AGBL4: variants seen among roughly 807,000 people sequenced by gnomAD.
AGBL4 encodes the protein AGBL carboxypeptidase 4.
Under a neutral mutation model 66.4 loss-of-function variants are expected in AGBL4, and 58 were observed. That is an observed-to-expected ratio of 0.87 (90% confidence interval 0.71 to 1.09). The LOEUF (loss-of-function observed/expected upper bound fraction) is 1.09, where lower values mean the gene tolerates loss of function less well. Among genes scored for constraint, AGBL4 ranks in the 50% least tolerant of loss-of-function variants. AGBL4 has a pLI of 0.00. For missense variants in AGBL4, 579 were observed against 631.0 expected (o/e 0.92, Z 0.88); for synonymous variants, 234 against 222.9 (o/e 1.05, Z -0.44).
At chr1:49,956,779 G>A (rs1004210155) in intron 1 of AGBL4, among the ~76,000 whole-genome samples, 1 of 151,876 alleles carries the variant, frequency 6.6e-6, no homozygotes, top group Admixed American at 6.6e-5. Flanking sequence ...ATATCCTTTG[G>A]ATCAATTAAT....
intron 5 of AGBL4, among the ~76,000 whole-genome samples, chr1:48,992,915 G>A (rs1660721029): frequency 6.6e-6 from 1 of 152,140 alleles, no homozygotes; most frequent in South Asian, 2.1e-4. Context: ...GTCTAGAAAT[G>A]CCAACCTAGA....
intron 3 of AGBL4, among the ~76,000 whole-genome samples, chr1:49,370,153 ATATT>A (rs1644313164): frequency 6.8e-6 from 1 of 147,462 alleles, no homozygotes; most frequent in African/African-American, 2.5e-5. Flanking sequence ...AATTATATAT[ATATT>A]ATATATAATA....
chr1:49,685,803 G>A lies in AGBL4; in HGVS notation c.282+11510C>T, dbSNP rs191467012. On this transcript the variant is annotated intron_variant, in intron 3 of 13. Transcript: ENST00000371839. ...TATAGATTCTGGAATTTAGACCATCGTCAAGTGCATAGTTTGCAAATATTT... is the reference window on the plus strand; with the variant it reads ...TATAGATTCTGGAATTTAGACCATCATCAAGTGCATAGTTTGCAAATATTT... Among the ~76,000 whole-genome samples the A allele has an allele frequency of 1.7e-3, 259 of 152,214 alleles. 1 individual carries two copies. Among genetic ancestry groups the A allele is most frequent in the African/African-American group, 6.0e-3 (251 of 41,534 alleles).
intron 4 of AGBL4, among the ~76,000 whole-genome samples, chr1:49,120,439 A>C (rs1211287750): frequency 6.6e-6 from 1 of 152,182 alleles, no homozygotes; most frequent in Non-Finnish European, 1.5e-5. Flanking sequence ...TATGAAGCTT[A>C]GTTTGGCTGG....
At chr1:48,909,432 A>G (rs1652894099) in intron 5 of AGBL4, among the ~76,000 whole-genome samples, 1 of 152,178 alleles carries the variant, frequency 6.6e-6, no homozygotes. Context: ...GATTAGAGAG[A>G]GAGATGTTGG....
At position 48,663,201 on chromosome 1, in the gene AGBL4, G is replaced by A; in HGVS notation, c.675C>T (p.Ile225=). ...TTTCCCCTGGGTGGACTCGTCCTGT[G>A]ATGAATACCACCTTCTGCTCTGCCC... ...REGAEQKVVF[I]TGRVHPGETP... The change falls in exon 7 of 14, where the codon ATC becomes ATT. Residue 225 remains isoleucine (I), a synonymous_variant. Coordinates refer to ENST00000371839, the MANE Select transcript of AGBL4 (RefSeq NM_032785.4). The A allele has an allele frequency of 6.2e-7, 1 of 1,613,944 alleles. No individual in the cohort carries two copies. Among genetic ancestry groups the A allele is most frequent in the Non-Finnish European group, 8.5e-7 (1 of 1,179,866 alleles).
intron 1 of AGBL4, among the ~76,000 whole-genome samples, chr1:49,897,149 T>C (rs1048735185): frequency 7.9e-5 from 12 of 151,978 alleles, no homozygotes; most frequent in Admixed American, 3.3e-4. Context: ...GTCATCTACA[T>C]TGGAAAGGAA....
At chr1:48,816,975 A>G (rs1029973672) in intron 6 of AGBL4, among the ~76,000 whole-genome samples, 4 of 152,192 alleles carry the variant, frequency 2.6e-5, no homozygotes, top group African/African-American at 9.6e-5. Flanking sequence ...TAGATCAACA[A>G]GTGTGAAGGA....
intron 3 of AGBL4, among the ~76,000 whole-genome samples, chr1:49,316,796 G>C (rs1645046779): frequency 6.6e-6 from 1 of 151,664 alleles, no homozygotes; most frequent in East Asian, 1.9e-4. Flanking sequence ...AAATAATCAT[G>C]ATAAATACAA....
intron 1 of AGBL4, among the ~76,000 whole-genome samples, chr1:49,912,262 C>CAA (rs1354811871): frequency 1.3e-5 from 2 of 152,114 alleles, no homozygotes; most frequent in Non-Finnish European, 2.9e-5. Context: ...GGTTCTCTAG[C>CAA]CTATATCCCA....
Position 49,501,412 on chromosome 1 carries a change from G to A in AGBL4, c.282+195901C>T, listed in dbSNP as rs533164241. Among the ~76,000 whole-genome samples, 27 of 152,224 alleles carry A rather than the reference G, an allele frequency of 1.8e-4. No homozygotes were observed. In the South Asian group the frequency reaches 2.1e-3, roughly 12 times the overall value. The stretch of plus-strand genomic sequence containing the variant: ...CTGTCCATCCAAGTTGGAGCTACAC[G>A]TTAGTCCTGTCTCCTATCTGCCATC... On this transcript the variant is annotated intron_variant, in intron 3 of 13. Coordinates refer to ENST00000371839, the MANE Select transcript of AGBL4 (RefSeq NM_032785.4).
intron 6 of AGBL4, among the ~76,000 whole-genome samples, chr1:48,865,518 G>T (rs1647968851): frequency 6.6e-6 from 1 of 152,118 alleles, no homozygotes. Flanking sequence ...TAAGAGGAGG[G>T]ATAATAATGA....
intron 12 of AGBL4, among the ~76,000 whole-genome samples, chr1:48,536,517 A>C (rs193031763): frequency 6.6e-6 from 1 of 152,336 alleles, no homozygotes; most frequent in Admixed American, 6.5e-5. Flanking sequence ...TTGCATTTGT[A>C]CTTGCCTTTA....
chr1:49,832,894 C>T (rs1487271005), intron 2 of AGBL4, among the ~76,000 whole-genome samples: 1 of 151,968 alleles, frequency 6.6e-6, no homozygotes, highest in Admixed American at 6.6e-5. Flanking sequence ...TGGATATTAG[C>T]CCTTTGTCAG....
intron 1 of AGBL4, among the ~76,000 whole-genome samples, chr1:49,856,290 A>T (rs1441104608): frequency 1.3e-5 from 2 of 152,138 alleles, no homozygotes; most frequent in Non-Finnish European, 1.5e-5. Flanking sequence ...AAATGGCTGT[A>T]CTTCTGAAAT....
intron 4 of AGBL4, among the ~76,000 whole-genome samples, chr1:49,200,539 GT>G (rs1383715543): frequency 6.6e-6 from 1 of 152,164 alleles, no homozygotes; most frequent in African/African-American, 2.4e-5. Flanking sequence ...GAAAGCACAG[GT>G]TGTGGCCTGC....
At chr1:49,130,564 A>G (rs1201233142) in intron 4 of AGBL4, among the ~76,000 whole-genome samples, 1 of 152,158 alleles carries the variant, frequency 6.6e-6, no homozygotes, top group Non-Finnish European at 1.5e-5. Context: ...CATTTATTAA[A>G]TAGGGAATCC....
At chr1:48,792,583 T>A (rs1645576997) in intron 6 of AGBL4, among the ~76,000 whole-genome samples, 1 of 152,106 alleles carries the variant, frequency 6.6e-6, no homozygotes, top group African/African-American at 2.4e-5. Context: ...TAAGTAGAAG[T>A]AGTTTGTCCA....
chr1:48,916,408 C>T (rs1027575104), intron 5 of AGBL4, among the ~76,000 whole-genome samples: 1 of 152,072 alleles, frequency 6.6e-6, no homozygotes, highest in Non-Finnish European at 1.5e-5. Flanking sequence ...GAGAGGGAGG[C>T]GGGGCAACTG....
Sources: gnomAD v4.1 joint callset for allele counts (sites outside exome capture counted in the v4.1 genomes callset) on GRCh38, gnomAD v4.1.1 for gene constraint, MANE v1.5 for transcripts, NCBI Gene and HGNC (gene_info 2026-07-23, HGNC 2026-07-21) for gene names.